The following GNAQ variants were observed in gnomAD, a reference collection of about 807,000 sequenced individuals.
GNAQ encodes G protein subunit alpha q, also known as guanine nucleotide-binding protein G(q) subunit alpha.
GNAQ carries 8 observed loss-of-function variants against 43.9 expected under a neutral mutation model. That is an observed-to-expected ratio of 0.18 (90% CI 0.11 to 0.33). GNAQ has a LOEUF of 0.33. GNAQ is among the 10% of genes least tolerant of loss of function. GNAQ has a pLI of 1.00. For missense variants in GNAQ, 158 were observed against 450.8 expected (o/e 0.35, Z 5.88); for synonymous variants, 155 against 170.7 (o/e 0.91, Z 0.71).
chr9:77,780,090 T>C (rs2118399936), intron 5 of GNAQ, among the ~76,000 whole-genome samples: 1 of 152,088 alleles, frequency 6.6e-6, no homozygotes, highest in South Asian at 2.1e-4. Context: ...GTAATCAGCA[T>C]ATCCATCATC....
At chr9:78,007,890 G>C (rs532680139) in intron 1 of GNAQ, among the ~76,000 whole-genome samples, 1 of 152,322 alleles carries the variant, frequency 6.6e-6, no homozygotes, top group African/African-American at 2.4e-5. Flanking sequence ...ATTTAAGATG[G>C]TGTATCCCCA....
intron 2 of GNAQ, among the ~76,000 whole-genome samples, chr9:77,825,416 G>A (rs1041231197): frequency 1.3e-5 from 2 of 152,070 alleles, no homozygotes; most frequent in African/African-American, 2.4e-5. Flanking sequence ...TGGTGTCTTC[G>A]TGGACCTGGC....
At chr9:77,997,107 T>C (rs947269568) in intron 1 of GNAQ, among the ~76,000 whole-genome samples, 1 of 152,232 alleles carries the variant, frequency 6.6e-6, no homozygotes, top group Non-Finnish European at 1.5e-5. Context: ...GAGAAAATAA[T>C]GTTGAAGTCA....
intron 1 of GNAQ, among the ~76,000 whole-genome samples, chr9:77,972,875 C>T (rs756775981): frequency 4.4e-4 from 67 of 151,338 alleles, no homozygotes; most frequent in Admixed American, 6.6e-4. Flanking sequence ...ATTGCTGGAA[C>T]CCGGGTGGTG....
chr9:78,031,802 G>C lies in GNAQ; in HGVS notation c.-567C>G, dbSNP rs1381161005. On this transcript the variant is annotated 5_prime_UTR_variant, in exon 1 of 7. Coordinates refer to ENST00000286548, the MANE Select transcript of GNAQ (RefSeq NM_002072.5). ...CGCGCGCAGACCCGGTTCCCGTCCC[G>C]CCCGGCAACCGCGCGCTCCTCCGCC... is the stretch of plus-strand genomic sequence containing the variant. Among the ~76,000 whole-genome samples the C allele has an allele frequency of 2.0e-5, 3 of 147,810 alleles. No homozygotes were observed. The highest frequency in any genetic ancestry group is 4.9e-5 in the African/African-American group (2 of 40,554).
chr9:77,790,212 A>C (rs752597628), intron 5 of GNAQ, among the ~76,000 whole-genome samples: 20 of 152,192 alleles, frequency 1.3e-4, no homozygotes, highest in South Asian at 2.1e-4. Flanking sequence ...TCTTAACCTA[A>C]GCTTTTACTT....
intron 2 of GNAQ, among the ~76,000 whole-genome samples, chr9:77,846,297 C>A (rs924644012): frequency 5.3e-5 from 8 of 152,210 alleles, no homozygotes; most frequent in African/African-American, 1.9e-4. Flanking sequence ...TGCAGCCAAG[C>A]TGTGGCTGCC....
chr9:77,940,757 G>T (rs557984923), intron 1 of GNAQ, among the ~76,000 whole-genome samples: 2 of 152,186 alleles, frequency 1.3e-5, no homozygotes, highest in South Asian at 2.1e-4. Flanking sequence ...CACGAGGTCA[G>T]GAGATCGAGA....
At chr9:77,824,787 C>A (rs1197697382) in intron 2 of GNAQ, among the ~76,000 whole-genome samples, 3 of 147,948 alleles carry the variant, frequency 2.0e-5, no homozygotes, top group South Asian at 2.2e-4. Flanking sequence ...GAAGAAAAAA[C>A]AAACCATCAA....
chr9:77,952,345 G>A lies in GNAQ; in HGVS notation c.137-30000C>T, dbSNP rs1339212842. Among the ~76,000 whole-genome samples the A allele has an allele frequency of 5.4e-5, 8 of 147,890 alleles. No individual in the cohort carries two copies. In the South Asian group the frequency reaches 9.3e-4, roughly 17 times the overall value. On this transcript the variant is annotated intron_variant, in intron 1 of 6. Transcript: ENST00000286548. The stretch of plus-strand genomic sequence containing the variant: ...TTTTACCTTCAAAATTTTTCCTTGC[G>A]TATGTTGAATCCATAATATTAAAAC...
intron 1 of GNAQ, among the ~76,000 whole-genome samples, chr9:77,931,363 C>T (rs532810187): frequency 3.4e-4 from 51 of 152,028 alleles, no homozygotes; most frequent in Middle Eastern, 3.4e-3. Flanking sequence ...GAGGCCGAGG[C>T]GGGCAGATCA....
chr9:77,907,929 G>T (rs1828737827), intron 2 of GNAQ, among the ~76,000 whole-genome samples: 1 of 150,804 alleles, frequency 6.6e-6, no homozygotes, highest in Non-Finnish European at 1.5e-5. Context: ...GGTGCCAAAG[G>T]TGTTTATGGA....
intron 2 of GNAQ, among the ~76,000 whole-genome samples, chr9:77,880,047 A>G (rs1257406240): frequency 2.0e-5 from 3 of 152,212 alleles, no homozygotes; most frequent in African/African-American, 7.2e-5. Flanking sequence ...CACATCAAGG[A>G]AAGGTGATAG....
chr9:77,946,469 A>G (rs1822901155), intron 1 of GNAQ, among the ~76,000 whole-genome samples: 1 of 152,106 alleles, frequency 6.6e-6, no homozygotes, highest in Non-Finnish European at 1.5e-5. Context: ...CACCCAGGCA[A>G]AGGAAACTCC....
chr9:77,882,932 CT>C (rs1354439073), intron 2 of GNAQ, among the ~76,000 whole-genome samples: 8 of 152,106 alleles, frequency 5.3e-5, no homozygotes, highest in Non-Finnish European at 8.8e-5. Flanking sequence ...ACCAATAAGT[CT>C]ATTGTTGTTA....
intron 2 of GNAQ, among the ~76,000 whole-genome samples, chr9:77,854,996 C>T (rs1564131094): frequency 6.6e-6 from 1 of 152,190 alleles, no homozygotes; most frequent in Non-Finnish European, 1.5e-5. Flanking sequence ...TAATAAAGCT[C>T]TGCAGATATT....
chr9:77,804,774 AGTTCAC>A (rs1365097354), intron 3 of GNAQ, among the ~76,000 whole-genome samples: 2 of 152,196 alleles, frequency 1.3e-5, no homozygotes, highest in African/African-American at 2.4e-5. Context: ...ACAAATTTGC[AGTTCAC>A]GTCAAATATT....
intron 5 of GNAQ, among the ~76,000 whole-genome samples, chr9:77,759,065 T>A (rs1010835452): frequency 6.6e-6 from 1 of 152,180 alleles, no homozygotes; most frequent in South Asian, 2.1e-4. Flanking sequence ...TTTGAATATG[T>A]ACGAGTCTCT....
chr9:77,802,776 T>G (rs1271200924), intron 3 of GNAQ, among the ~76,000 whole-genome samples: 1 of 152,136 alleles, frequency 6.6e-6, no homozygotes, highest in Non-Finnish European at 1.5e-5. Flanking sequence ...CTCCCATGTT[T>G]TACATAAGGC....
Sources: gnomAD v4.1 joint callset for allele counts (sites outside exome capture counted in the v4.1 genomes callset) on GRCh38, gnomAD v4.1.1 for gene constraint, MANE v1.5 for transcripts, NCBI Gene and HGNC (gene_info 2026-07-23, HGNC 2026-07-21) for gene names.